Variants in SNTG2 observed in about 807,000 individuals in gnomAD.
The protein encoded by SNTG2 is gamma-2-syntrophin.
A neutral mutation model predicts 70.9 loss-of-function variants in SNTG2; 74 were observed. The observed-to-expected ratio is 1.04, with a 90% confidence interval of 0.86 to 1.27. The LOEUF (loss-of-function observed/expected upper bound fraction) is 1.27, where lower values mean the gene tolerates loss of function less well. SNTG2 is among the 50% of genes most tolerant of loss of function. SNTG2 has a pLI of 0.00. For missense variants in SNTG2, 717 were observed against 690.7 expected, an observed-to-expected ratio of 1.04 and a Z score of -0.43; for synonymous variants, 278 against 273.8, an observed-to-expected ratio of 1.02 and a Z score of -0.15.
intron 1 of SNTG2, among the ~76,000 whole-genome samples, chr2:1,077,335 G>A (rs542135398): frequency 6.6e-6 from 1 of 152,316 alleles, no homozygotes; most frequent in South Asian, 2.1e-4. Context: ...CTGGTGTGCG[G>A]TGTTGCTATT....
At chr2:1,274,919 T>G (rs971585529) in intron 14 of SNTG2, among the ~76,000 whole-genome samples, 15 of 152,240 alleles carry the variant, frequency 9.9e-5, no homozygotes, top group Non-Finnish European at 1.9e-4. Context: ...CTCATAGTTC[T>G]GCAGGCTGGG....
chr2:1,216,190 A>G (rs560240562), intron 9 of SNTG2, among the ~76,000 whole-genome samples: 4 of 152,176 alleles, frequency 2.6e-5, no homozygotes, highest in Admixed American at 2.6e-4. Context: ...AAATGTTCCT[A>G]TTTCTCCACA....
At chr2:1,171,949 G>C (rs757134937) in intron 7 of SNTG2, among the ~76,000 whole-genome samples, 11 of 152,208 alleles carry the variant, frequency 7.2e-5, no homozygotes, top group Non-Finnish European at 1.5e-4. Flanking sequence ...GTCACATTAT[G>C]ACTTTGCATA....
At chr2:1,267,344 A>G (rs1470297264) in intron 13 of SNTG2, 21 bp from the exon 14 acceptor site, 1 of 1,575,816 alleles carries the variant, frequency 6.3e-7, no homozygotes. Flanking sequence ...GCACGTTTCC[A>G]ATCCATGCTC....
At chr2:1,232,824 T>A (rs1189754193) in intron 9 of SNTG2, among the ~76,000 whole-genome samples, 1 of 152,190 alleles carries the variant, frequency 6.6e-6, no homozygotes, top group African/African-American at 2.4e-5. Flanking sequence ...ACATACACGT[T>A]CTGTTTTTGT....
chr2:1,115,751 G>A (rs1666922271), intron 4 of SNTG2, among the ~76,000 whole-genome samples: 1 of 152,184 alleles, frequency 6.6e-6, no homozygotes, highest in Admixed American at 6.5e-5. Context: ...CCTTTGAGAA[G>A]GATCGTGTGT....
chr2:1,267,051 G>A (rs945531151), intron 13 of SNTG2, among the ~76,000 whole-genome samples: 9 of 152,280 alleles, frequency 5.9e-5, no homozygotes, highest in East Asian at 1.9e-4. Flanking sequence ...GATTACAGGC[G>A]TGAGCCACCA....
At chr2:1,111,178 C>T (rs917222390) in intron 4 of SNTG2, among the ~76,000 whole-genome samples, 4 of 152,182 alleles carry the variant, frequency 2.6e-5, no homozygotes, top group African/African-American at 9.7e-5. Flanking sequence ...GGTTTTAAAG[C>T]TATCAAAGTA....
intron 1 of SNTG2, among the ~76,000 whole-genome samples, chr2:1,055,212 T>C (rs1042918832): frequency 6.6e-6 from 1 of 152,234 alleles, no homozygotes; most frequent in Non-Finnish European, 1.5e-5. Flanking sequence ...ACAGGGGCTG[T>C]GTGAGAGGAG....
chr2:1,304,103 A>T (rs945658004), intron 14 of SNTG2, among the ~76,000 whole-genome samples: 2 of 152,250 alleles, frequency 1.3e-5, no homozygotes, highest in Non-Finnish European at 2.9e-5. Context: ...TGAAGCAAGC[A>T]TTAATTACCC....
intron 8 of SNTG2, among the ~76,000 whole-genome samples, chr2:1,181,513 G>A (rs1253886613): frequency 6.6e-6 from 1 of 152,142 alleles, no homozygotes; most frequent in Non-Finnish European, 1.5e-5. Flanking sequence ...GTAATCACAA[G>A]AAACCCAGAG....
rs534480694 is a variant in SNTG2 at position 1,036,479 on chromosome 2, T to C, written c.73-47039T>C. Reference sequence around the variant, plus strand: ...TTAAAACCTACTTAAGTTTTGATAATTTAATTTTTCAAAGAAAATTGACAC... The same window carrying C: ...TTAAAACCTACTTAAGTTTTGATAACTTAATTTTTCAAAGAAAATTGACAC... On this transcript the variant is annotated intron_variant, in intron 1 of 16. Coordinates refer to ENST00000308624, the MANE Select transcript of SNTG2 (RefSeq NM_018968.4). Among the ~76,000 whole-genome samples the C allele has an allele frequency of 7.2e-5, 11 of 152,330 alleles. No homozygotes were observed. In the South Asian group the frequency reaches 2.3e-3, roughly 32 times the overall value.
At position 1,316,392 on chromosome 2, in the gene SNTG2, A is replaced by G; in HGVS notation, c.1488+17A>G. Reference sequence around the variant, plus strand: ...GAGACGAAGGTATGCGGCATGGGGCATGGGTTATTCTGCCACCACCCACAC... The same window carrying G: ...GAGACGAAGGTATGCGGCATGGGGCGTGGGTTATTCTGCCACCACCCACAC... On this transcript the variant is annotated intron_variant, in intron 16 of 16. Transcript: ENST00000308624. The G allele has an allele frequency of 7.4e-7, 1 of 1,354,998 alleles. No homozygotes were observed. The highest frequency in any genetic ancestry group is 1.0e-6 in the Non-Finnish European group (1 of 969,722). The allele number at this position is 1,354,998 out of a possible 1,614,324, so 83.9% of individuals were successfully genotyped here.
chr2:1,254,372 T>C (rs1355776293), intron 12 of SNTG2, among the ~76,000 whole-genome samples: 1 of 152,212 alleles, frequency 6.6e-6, no homozygotes. Flanking sequence ...ATTTGTACAT[T>C]AGAATCTGAA....
At chr2:1,194,634 T>C (rs1240310400) in intron 8 of SNTG2, among the ~76,000 whole-genome samples, 2 of 152,196 alleles carry the variant, frequency 1.3e-5, no homozygotes, top group African/African-American at 2.4e-5. Flanking sequence ...GATTATACTC[T>C]AAAATTATAC....
chr2:1,081,438 C>G (rs1395931516), intron 1 of SNTG2, among the ~76,000 whole-genome samples: 1 of 152,242 alleles, frequency 6.6e-6, no homozygotes, highest in Non-Finnish European at 1.5e-5. Context: ...TTACACGTTA[C>G]ACACACTCAT....
intron 8 of SNTG2, among the ~76,000 whole-genome samples, chr2:1,195,906 T>A (rs1186054728): frequency 1.3e-5 from 2 of 151,642 alleles, no homozygotes; most frequent in African/African-American, 4.9e-5. Context: ...AAAAAAAAAA[T>A]AAACTCACAT....
chr2:1,069,698 A>G (rs1417563589), intron 1 of SNTG2, among the ~76,000 whole-genome samples: 2 of 152,014 alleles, frequency 1.3e-5, no homozygotes, highest in East Asian at 1.9e-4. Context: ...GGCTGAGGCA[A>G]GAGAATCGCT....
chr2:1,273,515 T>C (rs1432532066), intron 14 of SNTG2, among the ~76,000 whole-genome samples: 2 of 152,084 alleles, frequency 1.3e-5, no homozygotes, highest in African/African-American at 2.4e-5. Flanking sequence ...AGATTCTGTG[T>C]ATGGCAGATG....
Sources: gnomAD v4.1 joint callset for allele counts (sites outside exome capture counted in the v4.1 genomes callset) on GRCh38, gnomAD v4.1.1 for gene constraint, MANE v1.5 for transcripts, NCBI Gene and HGNC (gene_info 2026-07-23, HGNC 2026-07-21) for gene names.